The following CAPN11 variants were observed in gnomAD, a reference collection of about 807,000 sequenced individuals.
CAPN11 encodes calpain-11.
In CAPN11, 108 loss-of-function variants were observed where a neutral mutation model predicts 105.3. The observed-to-expected ratio is 1.03, with a 90% confidence interval of 0.88 to 1.20. The LOEUF is 1.20. Among genes scored for constraint, CAPN11 ranks in the 50% most tolerant of loss-of-function variants. CAPN11 has a pLI of 0.00. For missense variants in CAPN11, 883 were observed against 924.8 expected (o/e 0.95, Z 0.59); for synonymous variants, 329 against 344.5 (o/e 0.96, Z 0.50).
intron 1 of CAPN11, chr6:44,161,684 G>A (rs1656360764): frequency 2.3e-6 from 1 of 426,992 alleles, no homozygotes; most frequent in South Asian, 1.6e-5. Flanking sequence ...AGAGGGCTCT[G>A]GGGAAATGAG....
intron 5 of CAPN11, 42 bp downstream of exon 5, chr6:44,172,462 G>A (rs1490225066): frequency 1.9e-5 from 23 of 1,227,758 alleles, no homozygotes; most frequent in Admixed American, 1.1e-4. Flanking sequence ...TGTTGGGGGC[G>A]GGGGAAGAAT....
intron 2 of CAPN11, chr6:44,168,946 A>C: frequency 2.2e-6 from 1 of 458,852 alleles, no homozygotes; most frequent in Non-Finnish European, 4.4e-6. Flanking sequence ...TTTTAGAGAC[A>C]AGGTCTTGCT....
In CAPN11 at chr6:44,162,599, G is replaced by A. The variant is rs552327557; in HGVS notation, c.16+3735G>A. 7.6e-4 allele frequency among the ~76,000 whole-genome samples: 115 copies of A among 152,210 alleles called. 2 individuals are homozygous for A. Among genetic ancestry groups the A allele is most frequent in the East Asian group, 3.9e-4 (2 of 5,180 alleles). ...GCCCTGATGCTTCCAGAACCAGGAC[G>A]TCAAAGTGCACCCCACCCTCAGGGG... On this transcript the variant is annotated intron_variant, in intron 1 of 22. Transcript: ENST00000398776.
chr6:44,163,858 T>TG (rs569375731), intron 1 of CAPN11, among the ~76,000 whole-genome samples: 15 of 152,156 alleles, frequency 9.9e-5, no homozygotes, highest in South Asian at 4.1e-4. Flanking sequence ...GTTTTTGAGA[T>TG]GGGGGGTCTC....
intron 7 of CAPN11, among the ~76,000 whole-genome samples, chr6:44,174,114 A>G (rs1436667853): frequency 1.3e-5 from 2 of 152,082 alleles, no homozygotes; most frequent in African/African-American, 4.8e-5. Context: ...AAATACATGA[A>G]CCCAGGGTGC....
chr6:44,176,215 C>A (rs1379010316), intron 8 of CAPN11, 38 bp from the exon 9 acceptor site: 5 of 1,607,382 alleles, frequency 3.1e-6, no homozygotes, highest in African/African-American at 1.3e-5. Context: ...TCTCCCTGAC[C>A]CCATAACTCT....
rs1209936088 is a variant in CAPN11, at chr6:44,166,826, G to C, written c.85G>C (p.Ala29Pro). The change falls in exon 2 of 23, where the codon GCG (alanine) becomes CCG (proline). Residue 29 changes from alanine to proline, a missense_variant. Transcript: ENST00000398776. ...GGAGGATAAGCCTCGGGGCTCATGTGCGGGTAGGACTGCAGACCCGTCGTG... is the reference window on the plus strand; with the variant it reads ...GGAGGATAAGCCTCGGGGCTCATGTCCGGGTAGGACTGCAGACCCGTCGTG... ...SQEDKPRGSC[A>P]EPTFTDTGMV... 11 of 1,550,942 alleles carry C rather than the reference G, an allele frequency of 7.1e-6. No homozygotes were observed. Among genetic ancestry groups the C allele is most frequent in the Non-Finnish European group, 8.7e-6 (10 of 1,146,070 alleles).
intron 14 of CAPN11, 131 bp from the exon 15 acceptor site, chr6:44,180,329 G>T: frequency 1.0e-6 from 1 of 954,064 alleles, no homozygotes. Flanking sequence ...ACCAGAACTA[G>T]AACTAGAACC....
At chr6:44,171,410 A>G (rs1231870179) in intron 4 of CAPN11, among the ~76,000 whole-genome samples, 3 of 152,140 alleles carry the variant, frequency 2.0e-5, no homozygotes, top group Admixed American at 6.5e-5. Context: ...CCCCAATATA[A>G]TGTGGGTGAC....
intron 1 of CAPN11, among the ~76,000 whole-genome samples, chr6:44,161,177 G>T (rs1477933447): frequency 7.0e-6 from 1 of 143,588 alleles, no homozygotes; most frequent in Non-Finnish European, 1.5e-5. Flanking sequence ...TTTCTTTTGG[G>T]TTTTTTTTTT....
intron 2 of CAPN11, 87 bp downstream of exon 2, chr6:44,166,916 G>C: frequency 2.3e-6 from 2 of 872,844 alleles, no homozygotes; most frequent in South Asian, 1.4e-5. Flanking sequence ...GCCTGCTGGT[G>C]GGGGAAGTCA....
rs756610874 is a variant in CAPN11, at chr6:44,180,047, G to C, written c.1524G>C (p.Val508=). The change falls in exon 14 of 23, where the codon GTG becomes GTC. Residue 508 remains valine, a synonymous_variant. Transcript: ENST00000398776. The stretch of plus-strand genomic sequence containing the variant: ...AGATCTTCACCAACTCACGGGAGGT[G>C]AGCAGCCAACTCCGGCTGCCTCCGG... ...FSEIFTNSRE[V]SSQLRLPPGE... 1.2e-6 allele frequency: 2 copies of C among 1,613,516 alleles called. No individual in the cohort carries two copies. The highest frequency in any genetic ancestry group is 1.7e-6 in the Non-Finnish European group (2 of 1,179,510).
intron 2 of CAPN11, 100 bp downstream of exon 2, chr6:44,166,929 C>A: frequency 5.5e-6 from 3 of 547,154 alleles, no homozygotes; most frequent in Admixed American, 2.5e-5. Flanking sequence ...GGAAGTCAGT[C>A]ATGTTGTGTG....
chr6:44,172,225 C>T (rs1771134402), intron 4 of CAPN11, 77 bp from the exon 5 acceptor site: 3 of 950,950 alleles, frequency 3.2e-6, no homozygotes, highest in Admixed American at 2.5e-5. Context: ...TTCCTGCTCC[C>T]CTAGGCCTTG....
At chr6:44,172,162 C>G in intron 4 of CAPN11, 140 bp from the exon 5 acceptor site, 1 of 569,498 alleles carries the variant, frequency 1.8e-6, no homozygotes, top group Non-Finnish European at 3.1e-6. Context: ...AGTGGGAGGG[C>G]TGAGGGAGGG....
chr6:44,176,723 C>A lies in CAPN11; in HGVS notation c.1076+68C>A, dbSNP rs555175850. On this transcript the variant is annotated intron_variant, in intron 10 of 22. Coordinates refer to ENST00000398776, the MANE Select transcript of CAPN11 (RefSeq NM_007058.4). ...CCTGGTCCTTCATCTCCCTGCTCCG[C>A]TCCTCTCTGTGCCTTGGATGGGGAG... 22 of 1,562,860 alleles carry A rather than the reference C, an allele frequency of 1.4e-5. No homozygotes were observed. In the African/African-American group the frequency reaches 2.6e-4, roughly 18 times the overall value.
chr6:44,179,901 C>T, intron 13 of CAPN11, 51 bp from the exon 14 acceptor site: 3 of 1,433,664 alleles, frequency 2.1e-6, no homozygotes, highest in Non-Finnish European at 2.9e-6. Context: ...GGGGACCCTC[C>T]CTCCCTAACC....
intron 14 of CAPN11, 39 bp from the exon 15 acceptor site, chr6:44,180,421 C>A (rs1338993773): frequency 1.2e-6 from 2 of 1,605,034 alleles, no homozygotes; most frequent in South Asian, 1.1e-5. Flanking sequence ...CCACCTCCCT[C>A]CCCCTGGTAA....
rs1261905431 is a variant in CAPN11 at position 44,173,514 on chromosome 6, G to A, written c.831+128G>A. 8.2e-6 allele frequency: 5 copies of A among 608,438 alleles called. No homozygotes were observed. In the East Asian group the frequency reaches 1.4e-4, roughly 17 times the overall value. 37.7% of individuals were successfully genotyped at this position (608,438 alleles called of 1,614,324 possible). On this transcript the variant is annotated intron_variant, in intron 7 of 22. Coordinates refer to ENST00000398776, the MANE Select transcript of CAPN11 (RefSeq NM_007058.4). The stretch of plus-strand genomic sequence containing the variant: ...GTTCAACTGCCCTTTCCCCAGACTA[G>A]CCTTCCCTACCTCCCCGTCTAAAGT...
Sources: allele counts gnomAD v4.1 joint callset (sites outside exome capture counted in the v4.1 genomes callset), GRCh38; gene constraint gnomAD v4.1.1; transcripts MANE v1.5; gene names NCBI Gene and HGNC (gene_info 2026-07-23, HGNC 2026-07-21).